The following SENP7 variants were observed in gnomAD, a reference collection of about 807,000 sequenced individuals.
SENP7 encodes the protein sentrin-specific protease 7.
In SENP7, 64 loss-of-function variants were observed where a neutral mutation model predicts 141.2. The ratio of observed to expected loss-of-function variants is 0.45; its 90% CI spans 0.37 to 0.56. The LOEUF (loss-of-function observed/expected upper bound fraction) is 0.56, where lower values mean the gene tolerates loss of function less well. SENP7 is among the 20% of genes least tolerant of loss of function. The pLI, the probability that SENP7 is intolerant of heterozygous loss-of-function variation, is 0.00. For missense variants in SENP7, 1,025 were observed against 1,212.2 expected, an observed-to-expected ratio of 0.85 and a Z score of 2.29; for synonymous variants, 382 against 426.4, an observed-to-expected ratio of 0.90 and a Z score of 1.28.
At chr3:101,383,416 C>T (rs1273576360) in intron 6 of SENP7, among the ~76,000 whole-genome samples, 1 of 152,216 alleles carries the variant, frequency 6.6e-6, no homozygotes, top group African/African-American at 2.4e-5. Context: ...AAGCCCCACC[C>T]TCCTTCCAAG....
intron 13 of SENP7, among the ~76,000 whole-genome samples, chr3:101,345,320 T>C (rs2059430214): frequency 6.6e-6 from 1 of 152,186 alleles, no homozygotes; most frequent in Admixed American, 6.5e-5. Flanking sequence ...ATTTGCACAA[T>C]ATTGATTCTA....
At chr3:101,372,269 T>C (rs2060203350) in intron 6 of SENP7, 143 bp from the exon 7 acceptor site, 1 of 422,782 alleles carries the variant, frequency 2.4e-6, no homozygotes, top group Non-Finnish European at 4.3e-6. Flanking sequence ...AAAAAAAATA[T>C]TGAACTCAGA....
chr3:101,343,880 T>C lies in SENP7; in HGVS notation c.1912A>G (p.Ile638Val), dbSNP rs1297825697. ...CTGATTATACTTATTTCCGTCATAA[T>C]ATCTTTCAGCTTCAATTCTTCTCTT... is the stretch of plus-strand genomic sequence containing the variant. Reference protein sequence around the residue: ...SQREELKLKDIMTEISIISGE... With the variant: ...SQREELKLKDVMTEISIISGE... Residue 638 changes from isoleucine (I) to valine (V), a missense_variant, in exon 14 of 24, where the codon ATT (isoleucine) becomes GTT (valine). Ile to Val is a conservative substitution (Grantham distance 29, BLOSUM62 3). Transcript: ENST00000394095. 6.2e-7 allele frequency: 1 copy of C among 1,612,782 alleles called. No individual in the cohort carries two copies. The highest frequency in any genetic ancestry group is 1.7e-5 in the Admixed American group (1 of 59,938).
At position 101,364,860 on chromosome 3, in the gene SENP7, G is replaced by A; in HGVS notation, c.1450C>T (p.Pro484Ser). 1 of 1,598,294 alleles carries A rather than the reference G, an allele frequency of 6.3e-7. No individual in the cohort carries two copies. Among genetic ancestry groups the A allele is most frequent in the East Asian group, 2.3e-5 (1 of 43,862 alleles). ...TGTACAGATTCACATGTAATCAATG[G>A]TAGTTCTAACAATGCTGATTCAGAA... ...STSESALLEL[P>S]LITCESVQMS... Residue 484 changes from proline (P) to serine (S), a missense_variant, in exon 10 of 24, where the codon CCA (proline) becomes TCA (serine). Coordinates refer to ENST00000394095, the MANE Select transcript of SENP7 (RefSeq NM_020654.5).
chr3:101,394,333 C>T (rs1520653), intron 6 of SENP7, among the ~76,000 whole-genome samples: 60,465 of 151,914 alleles, frequency 0.4, 12,541 homozygotes, highest in Admixed American at 0.54. Flanking sequence ...CACCGTATTT[C>T]CATTATCCAC....
At chr3:101,372,488 T>C (rs2060208841) in intron 6 of SENP7, among the ~76,000 whole-genome samples, 1 of 152,094 alleles carries the variant, frequency 6.6e-6, no homozygotes, top group South Asian at 2.1e-4. Context: ...GGCAAACAAT[T>C]ATAAGCCAAA....
At chr3:101,371,626 T>A (rs1461438449) in intron 7 of SENP7, among the ~76,000 whole-genome samples, 2 of 152,110 alleles carry the variant, frequency 1.3e-5, no homozygotes, top group East Asian at 1.9e-4. Flanking sequence ...GAAATTCTAA[T>A]GAATAGAGAA....
chr3:101,375,542 CCAAAAAAAAAA>C (rs1217771108), intron 6 of SENP7, among the ~76,000 whole-genome samples: 17 of 25,510 alleles, frequency 6.7e-4, no homozygotes, highest in South Asian at 2.6e-3. Context: ...AATTCCATCT[CCAAAAAAAAAA>C]AAAAAAAAAA....
At chr3:101,394,511 TA>T (rs200351382) in intron 6 of SENP7, among the ~76,000 whole-genome samples, 8,821 of 148,332 alleles carry the variant, frequency 0.059, 329 homozygotes, top group Middle Eastern at 0.15. Flanking sequence ...TGTTTCTTTT[TA>T]AAAATTTTTT....
intron 3 of SENP7, among the ~76,000 whole-genome samples, chr3:101,491,817 C>A (rs1021281883): frequency 1.3e-5 from 2 of 152,318 alleles, no homozygotes; most frequent in East Asian, 1.9e-4. Flanking sequence ...GGAGGTCGGG[C>A]ACGGTGCCTC....
chr3:101,373,066 G>C (rs1482704341), intron 6 of SENP7, among the ~76,000 whole-genome samples: 3 of 151,798 alleles, frequency 2.0e-5, no homozygotes, highest in Non-Finnish European at 4.4e-5. Flanking sequence ...TATTTGGAAG[G>C]CTAAAAATGA....
At position 101,486,694 on chromosome 3, in the gene SENP7, C is replaced by A. The variant is rs1273851215; in HGVS notation, c.186+7179G>T. The stretch of plus-strand genomic sequence containing the variant: ...ACACAGAACCTATAAAATAAAAATA[C>A]AAGTTAAAAAGCAAAAACAAAAAAC... On this transcript the variant is annotated intron_variant, in intron 3 of 23. Coordinates refer to ENST00000394095, the MANE Select transcript of SENP7 (RefSeq NM_020654.5). 2.6e-5 allele frequency among the ~76,000 whole-genome samples: 4 copies of A among 152,194 alleles called. No individual in the cohort carries two copies. In the East Asian group the frequency reaches 7.7e-4, roughly 29 times the overall value.
intron 3 of SENP7, among the ~76,000 whole-genome samples, chr3:101,465,115 G>A (rs2063717056): frequency 6.6e-6 from 1 of 151,824 alleles, no homozygotes; most frequent in African/African-American, 2.4e-5. Context: ...CCCACCTACT[G>A]CTACCAAGAC....
intron 6 of SENP7, among the ~76,000 whole-genome samples, chr3:101,394,709 T>TG (rs2060917786): frequency 1.3e-5 from 2 of 152,108 alleles, no homozygotes; most frequent in African/African-American, 4.8e-5. Context: ...ATTTTAGTTT[T>TG]CTGAGAAATC....
intron 4 of SENP7, among the ~76,000 whole-genome samples, chr3:101,448,606 C>T (rs370606005): frequency 7.2e-5 from 11 of 152,146 alleles, no homozygotes; most frequent in African/African-American, 2.7e-4. Flanking sequence ...AGGTGTCAGT[C>T]TGCCCCTATT....
rs552627731 is a variant in SENP7 at position 101,329,486 on chromosome 3, A to T, written c.2752-797T>A. On this transcript the variant is annotated intron_variant, in intron 20 of 23. Coordinates refer to ENST00000394095, the MANE Select transcript of SENP7 (RefSeq NM_020654.5). ...GGAGTCTGCTGCTATTTGTACATAT[A>T]AAAAAAAAAAATCATTAAGTGGCAA... is the stretch of plus-strand genomic sequence containing the variant. Among the ~76,000 whole-genome samples, 7 of 143,758 alleles carry T rather than the reference A, an allele frequency of 4.9e-5. No homozygotes were observed. In the East Asian group the frequency reaches 1.2e-3, roughly 24 times the overall value. The allele number at this position is 143,758 out of a possible 152,430, so 94.3% of individuals were successfully genotyped here.
In SENP7 at chr3:101,357,557, G is replaced by C. The variant is rs1180565463; in HGVS notation, c.1623+4158C>G. ...CCAAAAAGTGATACTGAGAAGATAT[G>C]AAAAATGTGGACATGACAATTTACA... On this transcript the variant is annotated intron_variant, in intron 11 of 23. Transcript: ENST00000394095. The C allele has an allele frequency of 2.9e-5, 38 of 1,312,814 alleles. 1 individual carries two copies. The highest frequency in any genetic ancestry group is 4.4e-5 in the African/African-American group (3 of 67,618). The allele number at this position is 1,312,814 out of a possible 1,614,324, so 81.3% of individuals were successfully genotyped here.
At chr3:101,482,036 C>T (rs58457767) in intron 3 of SENP7, among the ~76,000 whole-genome samples, 3,597 of 152,152 alleles carry the variant, frequency 0.024, 142 homozygotes, top group African/African-American at 0.082. Flanking sequence ...CTTGGCCAGG[C>T]GCAGTGGCTC....
intron 6 of SENP7, among the ~76,000 whole-genome samples, chr3:101,372,889 T>A (rs1044222773): frequency 2.6e-5 from 4 of 152,002 alleles, no homozygotes; most frequent in Non-Finnish European, 5.9e-5. Flanking sequence ...ATTGGTTAAA[T>A]CTGAGTGATA....
Sources: gnomAD v4.1 joint callset for allele counts (sites outside exome capture counted in the v4.1 genomes callset) on GRCh38, gnomAD v4.1.1 for gene constraint, MANE v1.5 for transcripts, NCBI Gene and HGNC (gene_info 2026-07-23, HGNC 2026-07-21) for gene names.